PYHIN1: variants seen among roughly 807,000 people sequenced by gnomAD.
PYHIN1 encodes pyrin and HIN domain family member 1.
A neutral mutation model predicts 43.7 loss-of-function variants in PYHIN1; 32 were observed. The observed-to-expected ratio is 0.73, with a 90% confidence interval of 0.55 to 0.98. The LOEUF (loss-of-function observed/expected upper bound fraction) is 0.98. Among genes scored for constraint, PYHIN1 ranks in the 50% least tolerant of loss-of-function variants. The pLI is 0.00. For synonymous variants in PYHIN1, 205 were observed against 203.1 expected, an observed-to-expected ratio of 1.01 and a Z score of -0.08; for missense variants, 588 against 589.5, an observed-to-expected ratio of 1.00 and a Z score of 0.03.
intron 6 of PYHIN1, among the ~76,000 whole-genome samples, chr1:158,944,221 G>T (rs1435127965): frequency 6.6e-6 from 1 of 152,194 alleles, no homozygotes; most frequent in Non-Finnish European, 1.5e-5. Context: ...GAAGAAACTA[G>T]GAGGCCACGG....
Position 158,937,118 on chromosome 1 carries a change from A to T in PYHIN1, c.208A>T (p.Lys70Ter). 6.2e-7 allele frequency: 1 copy of T among 1,612,394 alleles called. No homozygotes were observed. Among genetic ancestry groups the T allele is most frequent in the Non-Finnish European group, 8.5e-7 (1 of 1,179,496 alleles). The change falls in exon 2 of 9, where the codon AAA becomes TAA. Residue 70 changes from lysine (K) to a stop codon, truncating the protein, a stop_gained. Coordinates refer to ENST00000368140, the MANE Select transcript of PYHIN1 (RefSeq NM_152501.5). LOFTEE classifies it high-confidence loss of function. ...TTTGGGCAAACTAATAGAATTCTTCAAAGAAATACCAACACTGGGAGACCT... is the reference window on the plus strand; with the variant it reads ...TTTGGGCAAACTAATAGAATTCTTCTAAGAAATACCAACACTGGGAGACCT... ...AGLGKLIEFFKEIPTLGDLAE... is the reference protein window; with the variant it reads ...AGLGKLIEFF
intron 4 of PYHIN1, among the ~76,000 whole-genome samples, chr1:158,941,446 G>A (rs1292863125): frequency 2.0e-5 from 3 of 152,130 alleles, no homozygotes; most frequent in Admixed American, 1.3e-4. Context: ...TAGCCCACAG[G>A]TGTTCTCACC....
chr1:158,979,204 A>C (rs1013269872), downstream of PYHIN1, among the ~76,000 whole-genome samples: 2 of 152,188 alleles, frequency 1.3e-5, no homozygotes, highest in East Asian at 1.9e-4. Flanking sequence ...TTTACAATAC[A>C]GTATTAGGAA....
At chr1:158,946,381 G>GA (rs1403362790) in intron 7 of PYHIN1, among the ~76,000 whole-genome samples, 14 of 151,984 alleles carry the variant, frequency 9.2e-5, no homozygotes, top group African/African-American at 1.9e-4. Flanking sequence ...CTTGCTTTTG[G>GA]AAAAAAATGT....
intron 8 of PYHIN1, 81 bp downstream of exon 8, chr1:158,973,852 T>C: frequency 7.0e-7 from 1 of 1,438,388 alleles, no homozygotes; most frequent in Non-Finnish European, 9.6e-7. Context: ...GATTCTCATT[T>C]AAATTCTGAC....
At chr1:158,978,364 C>T (rs557152817), downstream of PYHIN1, among the ~76,000 whole-genome samples, 9 of 151,816 alleles carry the variant, frequency 5.9e-5, no homozygotes, top group South Asian at 1.5e-3. Flanking sequence ...CGAATTTTTT[C>T]CTCATGTGCA....
intron 7 of PYHIN1, among the ~76,000 whole-genome samples, chr1:158,958,500 G>T (rs563382457): frequency 9.6e-5 from 14 of 145,830 alleles, no homozygotes; most frequent in Admixed American, 2.1e-4. Flanking sequence ...GTAAACTATC[G>T]CAAGAACAAA....
chr1:158,953,347 C>T lies in PYHIN1; in HGVS notation c.1359+8305C>T, dbSNP rs887631372. Among the ~76,000 whole-genome samples the T allele has an allele frequency of 4.7e-5, 7 of 150,516 alleles. No individual in the cohort carries two copies. In the East Asian group the frequency reaches 1.4e-3, roughly 29 times the overall value. On this transcript the variant is annotated intron_variant, in intron 7 of 8. Coordinates refer to ENST00000368140, the MANE Select transcript of PYHIN1 (RefSeq NM_152501.5). Reference sequence around the variant, plus strand: ...CAGTAAACTCTGCAGACTTAAATGTCCCTGTCTGACAGCTTTGAAGAGAGC... The same window carrying T: ...CAGTAAACTCTGCAGACTTAAATGTTCCTGTCTGACAGCTTTGAAGAGAGC...
downstream of PYHIN1, among the ~76,000 whole-genome samples, chr1:158,981,761 T>G (rs1935071): frequency 0.041 from 6,254 of 152,188 alleles, 351 homozygotes; most frequent in East Asian, 0.26. Flanking sequence ...ATTTCCACCC[T>G]CAATGTATAA....
intron 7 of PYHIN1, among the ~76,000 whole-genome samples, chr1:158,946,306 A>G (rs1183034033): frequency 7.2e-5 from 11 of 152,198 alleles, no homozygotes; most frequent in Non-Finnish European, 7.3e-5. Flanking sequence ...AAAGTAACCT[A>G]TTAATGAATG....
At chr1:158,950,273 A>G (rs1242744116) in intron 7 of PYHIN1, among the ~76,000 whole-genome samples, 2 of 152,200 alleles carry the variant, frequency 1.3e-5, no homozygotes, top group East Asian at 1.9e-4. Context: ...GCAAGAAGCA[A>G]ATTATCTGGA....
At position 158,955,804 on chromosome 1, in the gene PYHIN1, G is replaced by A. The variant is rs201062229; in HGVS notation, c.1359+10762G>A. ...ACAAAAAACCCTTCAAAAAATTAAG[G>A]AATCCAGGAGCTGGTTTTTTGAAAG... On this transcript the variant is annotated intron_variant, in intron 7 of 8. Transcript: ENST00000368140. Among the ~76,000 whole-genome samples the A allele has an allele frequency of 1.7e-4, 13 of 78,768 alleles. No homozygotes were observed. In the East Asian group the frequency reaches 4.7e-3, roughly 28 times the overall value. 51.7% of individuals were successfully genotyped at this position (78,768 alleles called of 152,430 possible).
intron 7 of PYHIN1, among the ~76,000 whole-genome samples, chr1:158,966,639 C>T (rs187718987): frequency 3.4e-4 from 52 of 152,168 alleles, no homozygotes; most frequent in African/African-American, 1.2e-3. Context: ...GATGCAGAAA[C>T]AGCTTTCAAT....
At position 158,933,131 on chromosome 1, in the gene PYHIN1, A is replaced by G. The variant is rs1438475277; in HGVS notation, c.-21+1355A>G. Among the ~76,000 whole-genome samples the G allele has an allele frequency of 6.6e-6, 1 of 151,812 alleles. No individual in the cohort carries two copies. The highest frequency in any genetic ancestry group is 1.5e-5 in the Non-Finnish European group (1 of 67,866). On this transcript the variant is annotated intron_variant, in intron 1 of 8. Coordinates refer to ENST00000368140, the MANE Select transcript of PYHIN1 (RefSeq NM_152501.5). The surrounding 1 kb of genome is among the most constrained non-coding windows in gnomAD (Gnocchi z 6.3). ...ATTTTCTTGTACTCCTCTCAAATTC[A>G]TATATATAATATATAGATATGCTCA...
At position 158,936,947 on chromosome 1, in the gene PYHIN1, G is replaced by C. The variant is rs746193615; in HGVS notation, c.37G>C (p.Gly13Arg). 6.2e-7 allele frequency: 1 copy of C among 1,600,344 alleles called. No individual in the cohort carries two copies. Among genetic ancestry groups the C allele is most frequent in the South Asian group, 1.1e-5 (1 of 88,070 alleles). ...NNYKKIVLLK[G>R]LEVINDYHFR... ...CTACAAGAAAATTGTTCTACTGAAA[G>C]GATTAGAGGTCATCAATGATTATCA... is the stretch of plus-strand genomic sequence containing the variant. The change falls in exon 2 of 9, where the codon GGA (glycine) becomes CGA (arginine). Residue 13 changes from glycine to arginine, a missense_variant. Gly to Arg is a moderately radical substitution (Grantham distance 125). Coordinates refer to ENST00000368140, the MANE Select transcript of PYHIN1 (RefSeq NM_152501.5).
In PYHIN1 at chr1:158,938,560, G is replaced by A. The variant is rs1443156166; in HGVS notation, c.411+18G>A. On this transcript the variant is annotated intron_variant, in intron 3 of 8. Coordinates refer to ENST00000368140, the MANE Select transcript of PYHIN1 (RefSeq NM_152501.5). ...GACCTCAGGTAAGCTTCAGGAAGAG[G>A]AGCAGGCTTCAAGTCTCACAGTGGA... 2.5e-6 allele frequency: 4 copies of A among 1,612,974 alleles called. No individual in the cohort carries two copies. The highest frequency in any genetic ancestry group is 3.4e-6 in the Non-Finnish European group (4 of 1,179,566).
chr1:158,987,532 A>C, the PYHIN1 span, among the ~76,000 whole-genome samples: 1 of 152,080 alleles, frequency 6.6e-6, no homozygotes, highest in Non-Finnish European at 1.5e-5. Flanking sequence ...GATACGTAAA[A>C]GTTTTTAATT....
intron 1 of PYHIN1, among the ~76,000 whole-genome samples, chr1:158,936,618 C>G (rs1648557381): frequency 6.6e-6 from 1 of 151,970 alleles, no homozygotes; most frequent in African/African-American, 2.4e-5. Flanking sequence ...TCAATAGATG[C>G]AGAAAAGGCC....
the PYHIN1 span, among the ~76,000 whole-genome samples, chr1:158,984,975 C>G: frequency 6.6e-6 from 1 of 151,780 alleles, no homozygotes. Flanking sequence ...AAAAGAGCAA[C>G]CCCTGCTCTA....
Sources: allele counts gnomAD v4.1 joint callset (sites outside exome capture counted in the v4.1 genomes callset), GRCh38; gene constraint gnomAD v4.1.1; non-coding constraint Gnocchi (gnomAD v3.1); transcripts MANE v1.5; gene names NCBI Gene and HGNC (gene_info 2026-07-23, HGNC 2026-07-21).